NAALADL2: variants seen among roughly 807,000 people sequenced by gnomAD.
The protein encoded by NAALADL2 is inactive N-acetylated-alpha-linked acidic dipeptidase-like protein 2.
In NAALADL2, 76 loss-of-function variants were observed where a neutral mutation model predicts 87.2. The observed-to-expected ratio is 0.87, with a 90% CI of 0.72 to 1.05. The LOEUF is 1.05. NAALADL2 is among the 50% of genes least tolerant of loss of function. The pLI, the probability that NAALADL2 is intolerant of heterozygous loss-of-function variation, is 0.00. For synonymous variants in NAALADL2, 354 were observed against 331.0 expected (o/e 1.07, Z -0.75); for missense variants, 1,089 against 945.8 (o/e 1.15, Z -1.99).
intron 10 of NAALADL2, among the ~76,000 whole-genome samples, chr3:175,612,931 G>T (rs1400363441): frequency 2.0e-5 from 3 of 151,966 alleles, no homozygotes; most frequent in Non-Finnish European, 2.9e-5. Flanking sequence ...TTACCATGAC[G>T]CTGGGTGTGG....
chr3:175,447,039 G>A (rs1043892913), intron 5 of NAALADL2, among the ~76,000 whole-genome samples, 190 bp from the exon 6 acceptor site: 2 of 152,000 alleles, frequency 1.3e-5, no homozygotes, highest in African/African-American at 4.8e-5. Flanking sequence ...CATTATATTT[G>A]GACTAAATTT....
intron 1 of NAALADL2, among the ~76,000 whole-genome samples, chr3:174,944,752 C>T (rs1431537492): frequency 6.6e-6 from 1 of 152,132 alleles, no homozygotes; most frequent in Non-Finnish European, 1.5e-5. Context: ...GGAGTGGGCT[C>T]ACGAGGGGAT....
chr3:175,159,346 G>A (rs2108828800), intron 2 of NAALADL2, among the ~76,000 whole-genome samples: 1 of 152,282 alleles, frequency 6.6e-6, no homozygotes, highest in East Asian at 1.9e-4. Context: ...GCAAAAAGCA[G>A]CTGATTTGAG....
intron 6 of NAALADL2, among the ~76,000 whole-genome samples, chr3:175,460,608 T>C (rs1241074512): frequency 6.6e-6 from 1 of 152,114 alleles, no homozygotes; most frequent in African/African-American, 2.4e-5. Flanking sequence ...TTAAGATCTC[T>C]GAAGGAAATT....
At chr3:175,284,529 G>A (rs1754749834) in intron 4 of NAALADL2, among the ~76,000 whole-genome samples, 2 of 151,450 alleles carry the variant, frequency 1.3e-5, no homozygotes, top group African/African-American at 4.9e-5. Context: ...AAAAAAAAAT[G>A]AGCTCTTAGT....
intron 3 of NAALADL2, among the ~76,000 whole-genome samples, chr3:175,247,997 T>A (rs533039961): frequency 4.6e-5 from 7 of 152,184 alleles, no homozygotes; most frequent in Non-Finnish European, 7.3e-5. Context: ...GACTGCTAAG[T>A]TTTTATAGAA....
upstream of NAALADL2, among the ~76,000 whole-genome samples, chr3:174,855,873 TATAC>T (rs1355620055): frequency 2.0e-5 from 3 of 148,440 alleles, no homozygotes; most frequent in Non-Finnish European, 4.5e-5. Flanking sequence ...TATATGTATA[TATAC>T]ATACATATGA....
intron 13 of NAALADL2, among the ~76,000 whole-genome samples, chr3:175,799,795 A>T (rs1348826609): frequency 1.3e-5 from 2 of 152,176 alleles, no homozygotes; most frequent in Non-Finnish European, 2.9e-5. Context: ...AAATACATGT[A>T]TACATATGTA....
At chr3:174,667,414 C>A (rs1313696301) in intron 2 of NAALADL2, among the ~76,000 whole-genome samples, 1 of 152,070 alleles carries the variant, frequency 6.6e-6, no homozygotes, top group Admixed American at 6.6e-5. Flanking sequence ...CATGAATATA[C>A]ACAGGGGAGG....
chr3:174,723,755 CAAAAAAAAA>C (rs10663395), intron 2 of NAALADL2, among the ~76,000 whole-genome samples: 12 of 27,552 alleles, frequency 4.4e-4, no homozygotes, highest in Non-Finnish European at 5.4e-4. Context: ...GACTCCGTCT[CAAAAAAAAA>C]AAAAAAAAAA....
intron 9 of NAALADL2, among the ~76,000 whole-genome samples, chr3:175,480,878 C>T (rs1426720973): frequency 6.6e-6 from 1 of 151,826 alleles, no homozygotes; most frequent in Non-Finnish European, 1.5e-5. Flanking sequence ...TCCTTGAGAA[C>T]TAACATAGCT....
intron 1 of NAALADL2, among the ~76,000 whole-genome samples, chr3:174,915,611 T>C (rs1482302902): frequency 6.6e-6 from 1 of 152,090 alleles, no homozygotes; most frequent in Non-Finnish European, 1.5e-5. Flanking sequence ...ATTAGAGAAA[T>C]TGAGAGGAAA....
chr3:175,490,512 G>A (rs180815964), intron 9 of NAALADL2, among the ~76,000 whole-genome samples: 2 of 150,726 alleles, frequency 1.3e-5, no homozygotes, highest in Admixed American at 6.6e-5. Flanking sequence ...TCAGCCTCCC[G>A]AGTAGCTGGG....
chr3:175,523,774 A>T (rs942202949), intron 9 of NAALADL2, among the ~76,000 whole-genome samples: 2 of 152,218 alleles, frequency 1.3e-5, no homozygotes, highest in African/African-American at 4.8e-5. Context: ...GTGGTTTGGC[A>T]GGAAAAATGG....
intron 2 of NAALADL2, among the ~76,000 whole-genome samples, chr3:175,206,779 G>C (rs561884373): frequency 1.3e-5 from 2 of 152,116 alleles, no homozygotes; most frequent in African/African-American, 4.8e-5. Flanking sequence ...ACAGAGTAGA[G>C]GGGTAGAGCC....
At chr3:174,987,425 C>T (rs112839841) in intron 1 of NAALADL2, among the ~76,000 whole-genome samples, 3,318 of 148,110 alleles carry the variant, frequency 0.022, 121 homozygotes, top group African/African-American at 0.079. Flanking sequence ...AAAAATTAGC[C>T]GGGCGTAGTG....
At chr3:174,990,639 T>C (rs1026486273) in intron 1 of NAALADL2, among the ~76,000 whole-genome samples, 4 of 152,138 alleles carry the variant, frequency 2.6e-5, no homozygotes, top group Admixed American at 6.6e-5. Flanking sequence ...GGGTCGTACA[T>C]AGGAAAAATT....
chr3:175,194,446 G>A (rs1336503105), intron 2 of NAALADL2, among the ~76,000 whole-genome samples: 3 of 151,840 alleles, frequency 2.0e-5, no homozygotes, highest in Non-Finnish European at 4.4e-5. Flanking sequence ...CTTGACAGAA[G>A]TATTTAGCAA....
At chr3:174,479,701 G>A (rs1251269952) in intron 1 of NAALADL2, among the ~76,000 whole-genome samples, 4 of 151,920 alleles carry the variant, frequency 2.6e-5, no homozygotes, top group Non-Finnish European at 5.9e-5. Context: ...CTTTCTTTCC[G>A]GCTCTGTAGA....
Sources: allele counts gnomAD v4.1 joint callset (sites outside exome capture counted in the v4.1 genomes callset), GRCh38; gene constraint gnomAD v4.1.1; transcripts MANE v1.5; gene names NCBI Gene and HGNC (gene_info 2026-07-23, HGNC 2026-07-21).